The following WDR81 variants were observed in gnomAD, a reference collection of about 807,000 sequenced individuals.
WDR81 encodes WD repeat-containing protein 81.
A neutral mutation model predicts 140.8 loss-of-function variants in WDR81; 92 were observed. That is an observed-to-expected ratio of 0.65 (90% CI 0.55 to 0.78). The LOEUF (loss-of-function observed/expected upper bound fraction) is 0.78, where lower values mean the gene tolerates loss of function less well. Ranked by LOEUF, WDR81 falls within the 30% of genes least tolerant of loss-of-function variation. The probability of loss-of-function intolerance (pLI) is 0.00; values close to 1 mark genes in which losing one functional copy is unlikely to be tolerated. For missense variants in WDR81, 2,502 were observed against 2,636.4 expected, an observed-to-expected ratio of 0.95 and a Z score of 1.12; for synonymous variants, 1,183 against 1,156.4, an observed-to-expected ratio of 1.02 and a Z score of -0.47.
chr17:1,722,055 G>A (rs1221966177), upstream of WDR81, among the ~76,000 whole-genome samples: 1 of 151,910 alleles, frequency 6.6e-6, no homozygotes, highest in Non-Finnish European at 1.5e-5. Context: ...CCCGGGAGGC[G>A]GAGATTGCGG....
chr17:1,731,503 G>T (rs1254669518), intron 4 of WDR81, among the ~76,000 whole-genome samples: 1 of 152,198 alleles, frequency 6.6e-6, no homozygotes, highest in Admixed American at 6.5e-5. Flanking sequence ...CGGGCACGGT[G>T]GCTCATGCCT....
chr17:1,725,809 C>G lies in WDR81; in HGVS notation c.850C>G (p.Leu284Val), dbSNP rs1306560818. 7.7e-6 allele frequency: 12 copies of G among 1,550,596 alleles called. No homozygotes were observed. The highest frequency in any genetic ancestry group is 1.0e-5 in the Non-Finnish European group (12 of 1,146,994). Residue 284 changes from leucine (L) to valine (V), a missense_variant, in exon 1 of 10, where the codon CTG becomes GTG. Transcript: ENST00000409644. ...CCGCCAGGGGCTGGCGTGTGGGGCC[C>G]TGTCTTTGTATCACATCGCAGTGGA... ...CHRQGLACGA[L>V]SLYHIAVDEK...
chr17:1,732,232 A>G (rs1443470760), intron 4 of WDR81, 93 bp from the exon 5 acceptor site: 5 of 1,508,304 alleles, frequency 3.3e-6, no homozygotes, highest in Non-Finnish European at 3.6e-6. Flanking sequence ...GCAAGACTCC[A>G]TCTCAATAAA....
chr17:1,725,077 A>C lies in WDR81; in HGVS notation c.118A>C (p.Ile40Leu), dbSNP rs1318991881. Residue 40 changes from isoleucine (I) to leucine (L), a missense_variant, in exon 1 of 10, where the codon ATC (isoleucine) becomes CTC (leucine). Physicochemically the swap from Ile to Leu is conservative, Grantham distance 5 (BLOSUM62 2). Around this residue, in one of 3 missense-constraint regions of WDR81, gnomAD observed 547 missense variants for 513.8 expected, o/e 1.06. Coordinates refer to ENST00000409644, the MANE Select transcript of WDR81 (RefSeq NM_001163809.2). ...LLRSVERDLS[I>L]DPRQLAPAPG... ...CCGGAGCGTGGAGAGGGACCTGAGC[A>C]TCGATCCCAGGCAGCTGGCTCCGGC... 2.0e-6 allele frequency: 3 copies of C among 1,492,604 alleles called. No homozygotes were observed. The highest frequency in any genetic ancestry group is 2.7e-6 in the Non-Finnish European group (3 of 1,120,848). 92.5% of individuals were successfully genotyped at this position (1,492,604 alleles called of 1,614,324 possible).
Position 1,728,383 on chromosome 17 carries a change from A to G in WDR81, c.3424A>G (p.Ser1142Gly). 6.2e-7 allele frequency: 1 copy of G among 1,613,000 alleles called. No individual in the cohort carries two copies. The highest frequency in any genetic ancestry group is 8.5e-7 in the Non-Finnish European group (1 of 1,179,974). Residue 1142 changes from serine (S) to glycine (G), a missense_variant, in exon 1 of 10, where the codon AGC (serine) becomes GGC (glycine). Ser to Gly is a moderately conservative substitution (Grantham distance 56). Coordinates refer to ENST00000409644, the MANE Select transcript of WDR81 (RefSeq NM_001163809.2). ...VDKSSLRSGD[S>G]SQDLKQSEGS... ...CAAGAGCAGCCTTCGATCAGGTGAC[A>G]GCAGCCAGGACTTGAAGCAAAGCGA...
chr17:1,719,063 G>A (rs182212108), intron 1 of WDR81, among the ~76,000 whole-genome samples: 8 of 152,082 alleles, frequency 5.3e-5, no homozygotes, highest in African/African-American at 1.4e-4. Flanking sequence ...ATCTCCAGAC[G>A]TTACCAAATG....
In WDR81 at chr17:1,737,525, A is replaced by G. The variant is rs1904984382; in HGVS notation, c.5666A>G (p.Asn1889Ser). 3.7e-6 allele frequency: 6 copies of G among 1,613,098 alleles called. No individual in the cohort carries two copies. Among genetic ancestry groups the G allele is most frequent in the East Asian group, 4.5e-5 (2 of 44,890 alleles). ...GSEVVTGTVSNKIGVCSLLEP... is the reference protein window; with the variant it reads ...GSEVVTGTVSSKIGVCSLLEP... ...GAGGTGGTCACTGGCACCGTGTCCA[A>G]CAAGATTGGCGTCTGCTCCCTGCTT... Residue 1889 changes from asparagine to serine, a missense_variant, in exon 10 of 10, where the codon AAC (asparagine) becomes AGC (serine). Physicochemically the swap from Asn to Ser is conservative, Grantham distance 46 (BLOSUM62 1). Transcript: ENST00000409644.
rs1423977378 is a variant in WDR81 at position 1,734,154 on chromosome 17, T to G, written c.5117T>G (p.Leu1706Arg). The G allele has an allele frequency of 2.5e-6, 4 of 1,598,490 alleles. No homozygotes were observed. The highest frequency in any genetic ancestry group is 3.4e-6 in the Non-Finnish European group (4 of 1,179,620). Residue 1706 changes from leucine to arginine, a missense_variant, in exon 7 of 10, where the codon CTT becomes CGT. Transcript: ENST00000409644. ...HRKSVFFVGQ[L>R]EAPQHVVSCD... ...AAGAGCGTCTTCTTCGTGGGCCAGC[T>G]TGAGGCCCCGCAGCACGTGGTGAGC...
At chr17:1,731,442 GTT>G (rs1370783433) in intron 4 of WDR81, among the ~76,000 whole-genome samples, 184 bp downstream of exon 4, 1 of 152,216 alleles carries the variant, frequency 6.6e-6, no homozygotes, top group Admixed American at 6.5e-5. Context: ...TCCTCATCTG[GTT>G]TGGACCAGTT....
At position 1,728,392 on chromosome 17, in the gene WDR81, G is replaced by A; in HGVS notation, c.3433G>A (p.Asp1145Asn). 1 of 1,612,950 alleles carries A rather than the reference G, an allele frequency of 6.2e-7. No individual in the cohort carries two copies. Among genetic ancestry groups the A allele is most frequent in the East Asian group, 2.2e-5 (1 of 44,858 alleles). Residue 1145 changes from aspartate to asparagine, a missense_variant, in exon 1 of 10, where the codon GAC becomes AAC. Asp to Asn is a conservative substitution (Grantham distance 23). This residue lies in a region of WDR81 where 1,737 missense variants were observed against 1,843.0 expected (regional missense o/e 0.94). Coordinates refer to ENST00000409644, the MANE Select transcript of WDR81 (RefSeq NM_001163809.2). ...CCTTCGATCAGGTGACAGCAGCCAG[G>A]ACTTGAAGCAAAGCGAGGGCTCCGA... ...SSLRSGDSSQ[D>N]LKQSEGSEEE...
In WDR81 at chr17:1,732,739, G is replaced by A. The variant is rs371608451; in HGVS notation, c.4397G>A (p.Arg1466Gln). The part of the protein sequence containing the change: ...PQVVFSDGQQ[R>Q]PVDPALLDEL... ...GTGGTCTTCTCTGATGGGCAGCAGC[G>A]GCCCGTGGACCCCGCCCTGCTGGAC... is the stretch of plus-strand genomic sequence containing the variant. The change falls in exon 6 of 10, where the codon CGG (arginine) becomes CAG (glutamine). Residue 1466 changes from arginine (R) to glutamine (Q), a missense_variant. By Grantham distance (43) the Arg-to-Gln change is conservative. Transcript: ENST00000409644. 46 of 1,612,870 alleles carry A rather than the reference G, an allele frequency of 2.9e-5. No homozygotes were observed. The highest frequency in any genetic ancestry group is 6.7e-5 in the Admixed American group (4 of 59,972).
In WDR81 at chr17:1,735,702, G is replaced by A. The variant is rs1280075630; in HGVS notation, c.5310G>A (p.Arg1770=). ...CTACCCTGCGCTTTGTGGACTGCAG[G>A]AAGCCTGGTCTGCAGGTCAGGGGGG... ...SDSTLRFVDC[R]KPGLQHEFRL... The change falls in exon 8 of 10, where the codon AGG becomes AGA. Residue 1770 remains arginine, a synonymous_variant. Transcript: ENST00000409644. This position sits in a 1 kb window ranked among gnomAD's most constrained non-coding sequence, Gnocchi z 4.2. 1.2e-6 allele frequency: 2 copies of A among 1,612,548 alleles called. No individual in the cohort carries two copies. Among genetic ancestry groups the A allele is most frequent in the African/African-American group, 1.3e-5 (1 of 75,012 alleles).
At position 1,733,696 on chromosome 17, in the gene WDR81, C is replaced by T. The variant is rs779468332; in HGVS notation, c.4659C>T (p.Asp1553=). ...DPHGGGCPQD[D]GHSGTFGSVL... is the part of the protein sequence containing the mutation. ...ATGGTGGGGGCTGCCCTCAGGATGA[C>T]GGCCACTCAGGGACCTTTGGGAGCG... Residue 1553 remains aspartate (D), a synonymous_variant, in exon 7 of 10, where the codon GAC becomes GAT. Coordinates refer to ENST00000409644, the MANE Select transcript of WDR81 (RefSeq NM_001163809.2). 28 of 1,612,176 alleles carry T rather than the reference C, an allele frequency of 1.7e-5. No homozygotes were observed. Among genetic ancestry groups the T allele is most frequent in the East Asian group, 2.2e-5 (1 of 44,876 alleles).
upstream of WDR81, among the ~76,000 whole-genome samples, chr17:1,720,863 C>T (rs1174171410): frequency 2.0e-5 from 3 of 151,902 alleles, no homozygotes; most frequent in East Asian, 1.9e-4. Flanking sequence ...AATCCCAGTG[C>T]GCCAGTTCCC....
At position 1,725,737 on chromosome 17, in the gene WDR81, G is replaced by A. The variant is rs946690842; in HGVS notation, c.778G>A (p.Val260Met). ...CAAGCTGACCAACAGCCAGGCCAAG[G>A]TGCTGTTCATTCTCTTCCGCGTGCT... ...PAKLTNSQAK[V>M]LFILFRVLRA... The change falls in exon 1 of 10, where the codon GTG becomes ATG. Residue 260 changes from valine (V) to methionine (M), a missense_variant. Coordinates refer to ENST00000409644, the MANE Select transcript of WDR81 (RefSeq NM_001163809.2). The A allele has an allele frequency of 3.2e-6, 5 of 1,550,478 alleles. No individual in the cohort carries two copies. Among genetic ancestry groups the A allele is most frequent in the South Asian group, 1.2e-5 (1 of 84,070 alleles).
Position 1,730,365 on chromosome 17 carries a change from G to C in WDR81, c.3668-15G>C. 2 of 1,605,750 alleles carry C rather than the reference G, an allele frequency of 1.2e-6. No individual in the cohort carries two copies. Among genetic ancestry groups the C allele is most frequent in the Non-Finnish European group, 1.7e-6 (2 of 1,176,080 alleles). ...CTGTTATCTGAGGAGCTCAGGGCCTGCTCCCACCCCGCAGATACAGCCTGC... is the reference window on the plus strand; with the variant it reads ...CTGTTATCTGAGGAGCTCAGGGCCTCCTCCCACCCCGCAGATACAGCCTGC... On this transcript the variant is annotated splice_polypyrimidine_tract_variant and intron_variant, in intron 1 of 9. Transcript: ENST00000409644.
chr17:1,726,706 C>G lies in WDR81; in HGVS notation c.1747C>G (p.Leu583Val). 6.5e-7 allele frequency: 1 copy of G among 1,549,248 alleles called. No individual in the cohort carries two copies. Among genetic ancestry groups the G allele is most frequent in the Non-Finnish European group, 8.7e-7 (1 of 1,146,892 alleles). Residue 583 changes from leucine to valine, a missense_variant, in exon 1 of 10, where the codon CTC (leucine) becomes GTC (valine). Leu to Val is a conservative substitution (Grantham distance 32). Transcript: ENST00000409644. ...THLASYGVVQ[L>V]FDQPHPQRLA... is the part of the protein sequence containing the mutation. Reference sequence around the variant, plus strand: ...CCTGGCCAGCTACGGGGTGGTGCAGCTCTTCGATCAGCCACACCCCCAGCG... The same window carrying G: ...CCTGGCCAGCTACGGGGTGGTGCAGGTCTTCGATCAGCCACACCCCCAGCG...
upstream of WDR81, among the ~76,000 whole-genome samples, chr17:1,722,982 C>T (rs781342748): frequency 4.6e-5 from 7 of 152,104 alleles, no homozygotes; most frequent in South Asian, 2.1e-4. Context: ...TGTGAACCAC[C>T]GTGACCGGCC....
chr17:1,725,189 C>T lies in WDR81; in HGVS notation c.230C>T (p.Pro77Leu), dbSNP rs1915143181. ...RDRRLPLGPC[P>L]RAEGLGEAEV... is the part of the protein sequence containing the mutation. ...CGCCGGCTGCCCCTGGGACCCTGTC[C>T]CCGCGCAGAGGGCCTGGGAGAAGCG... The change falls in exon 1 of 10, where the codon CCC becomes CTC. Residue 77 changes from proline (P) to leucine (L), a missense_variant. Physicochemically the swap from Pro to Leu is moderately conservative, Grantham distance 98 (BLOSUM62 -3). Transcript: ENST00000409644. 9 of 1,537,068 alleles carry T rather than the reference C, an allele frequency of 5.9e-6. No homozygotes were observed. Among genetic ancestry groups the T allele is most frequent in the Non-Finnish European group, 7.9e-6 (9 of 1,146,410 alleles).
Sources: allele counts gnomAD v4.1 joint callset (sites outside exome capture counted in the v4.1 genomes callset), GRCh38; gene constraint gnomAD v4.1.1; regional missense constraint gnomAD v4.1.1; non-coding constraint Gnocchi (gnomAD v3.1); transcripts MANE v1.5; gene names NCBI Gene and HGNC (gene_info 2026-07-23, HGNC 2026-07-21).